Variants in SUFU observed in about 807,000 individuals in gnomAD.
The protein encoded by SUFU is SUFU negative regulator of hedgehog signaling.
In SUFU, 7 loss-of-function variants were observed where a neutral mutation model predicts 58.9. The ratio of observed to expected loss-of-function variants is 0.12; its 90% CI spans 0.07 to 0.22. The LOEUF is 0.22. SUFU is among the 10% of genes least tolerant of loss of function. The pLI is 1.00. For synonymous variants in SUFU, 232 were observed against 254.8 expected (o/e 0.91, Z 0.85); for missense variants, 451 against 641.3 (o/e 0.70, Z 3.20).
intron 2 of SUFU, among the ~76,000 whole-genome samples, chr10:102,538,700 G>T (rs923262867): frequency 1.3e-5 from 2 of 152,146 alleles, no homozygotes; most frequent in African/African-American, 2.4e-5. Context: ...ATTTGTTACA[G>T]TCAGTGAACC....
At chr10:102,568,893 A>ATATATATATATATAT (rs1564685444) in intron 3 of SUFU, among the ~76,000 whole-genome samples, 1 of 33,440 alleles carries the variant, frequency 3.0e-5, no homozygotes, top group Non-Finnish European at 5.2e-5. Flanking sequence ...AAAAAAAAAA[A>ATATATATATATATAT]AAAAATATAT....
chr10:102,616,285 C>G (rs554510814), intron 9 of SUFU, among the ~76,000 whole-genome samples: 2 of 152,348 alleles, frequency 1.3e-5, no homozygotes, highest in South Asian at 4.1e-4. Flanking sequence ...AGCCCAGGGG[C>G]TCCACCCACA....
rs533315177 is a variant in SUFU at position 102,551,319 on chromosome 10, G to T, written c.454+1213G>T. Among the ~76,000 whole-genome samples, 12 of 152,200 alleles carry T rather than the reference G, an allele frequency of 7.9e-5. No homozygotes were observed. In the South Asian group the frequency reaches 2.3e-3, roughly 29 times the overall value. ...CACTGATTTCCAAACCTTCCTGTGGGGCTCCAGTTGAGTTGGCCAGAAGTG... is the reference window on the plus strand; with the variant it reads ...CACTGATTTCCAAACCTTCCTGTGGTGCTCCAGTTGAGTTGGCCAGAAGTG... On this transcript the variant is annotated intron_variant, in intron 3 of 11. Coordinates refer to ENST00000369902, the MANE Select transcript of SUFU (RefSeq NM_016169.4).
At chr10:102,517,321 A>G (rs1434904069) in intron 2 of SUFU, among the ~76,000 whole-genome samples, 1 of 152,012 alleles carries the variant, frequency 6.6e-6, no homozygotes, top group East Asian at 1.9e-4. Flanking sequence ...AACAAACAAA[A>G]AGAACAACTG....
At chr10:102,560,544 C>T (rs1461031896) in intron 3 of SUFU, among the ~76,000 whole-genome samples, 2 of 152,032 alleles carry the variant, frequency 1.3e-5, no homozygotes, top group Non-Finnish European at 2.9e-5. Flanking sequence ...CACTGCACTC[C>T]AGCATGGGTG....
chr10:102,625,167 T>C lies in SUFU; in HGVS notation c.1297-2008T>C, dbSNP rs2063774281. 6.6e-6 allele frequency among the ~76,000 whole-genome samples: 1 copy of C among 151,852 alleles called. No homozygotes were observed. Among genetic ancestry groups the C allele is most frequent in the South Asian group, 2.1e-4 (1 of 4,830 alleles). ...GGAGGACACCCCTGGGATAAGAGAGTAGGAGGAGCAAGGGCTTAGGCTGTG... is the reference window on the plus strand; with the variant it reads ...GGAGGACACCCCTGGGATAAGAGAGCAGGAGGAGCAAGGGCTTAGGCTGTG... On this transcript the variant is annotated intron_variant, in intron 10 of 11. Transcript: ENST00000369902. This position sits in a 1 kb window ranked among gnomAD's most constrained non-coding sequence, Gnocchi z 4.7.
At chr10:102,517,244 C>T (rs922864536) in intron 2 of SUFU, among the ~76,000 whole-genome samples, 9 of 152,166 alleles carry the variant, frequency 5.9e-5, no homozygotes, top group African/African-American at 1.9e-4. Context: ...GCCGAGATCT[C>T]GCCACTGCAC....
At chr10:102,590,009 G>A (rs2063378803) in intron 3 of SUFU, among the ~76,000 whole-genome samples, 1 of 151,168 alleles carries the variant, frequency 6.6e-6, no homozygotes, top group African/African-American at 2.4e-5. Context: ...CTTTTTCTGT[G>A]TCTATTGACA....
intron 2 of SUFU, among the ~76,000 whole-genome samples, chr10:102,537,827 C>T (rs1009388092): frequency 3.9e-5 from 6 of 152,120 alleles, no homozygotes; most frequent in African/African-American, 1.4e-4. Flanking sequence ...TTGCTTCTAC[C>T]TTTTGACTAT....
intron 2 of SUFU, among the ~76,000 whole-genome samples, chr10:102,510,100 CA>C (rs1414499743): frequency 7.9e-5 from 12 of 152,188 alleles, no homozygotes; most frequent in African/African-American, 2.9e-4. Context: ...CTCAGCTTCC[CA>C]AAGTGTCGGG....
chr10:102,556,761 GAGGAAGGAAGGGAAGAAGGAAGGGAGGA>G (rs1402830303), intron 3 of SUFU, among the ~76,000 whole-genome samples: 1 of 149,878 alleles, frequency 6.7e-6, no homozygotes, highest in Non-Finnish European at 1.5e-5. Flanking sequence ...GGAAGGGAGG[GAGGAAGGAAGGGAAGAAGGAAGGGAGGA>G]AGGAAGGAAG....
chr10:102,556,173 C>T (rs573642472), intron 3 of SUFU, among the ~76,000 whole-genome samples: 49 of 151,994 alleles, frequency 3.2e-4, no homozygotes, highest in African/African-American at 9.2e-4. Flanking sequence ...GGTGTGGGGG[C>T]GGGGGCGGAG....
chr10:102,603,643 T>G (rs2063535583), intron 8 of SUFU, among the ~76,000 whole-genome samples: 1 of 152,122 alleles, frequency 6.6e-6, no homozygotes, highest in South Asian at 2.1e-4. Flanking sequence ...TTTTTTTGCC[T>G]TAATTTCATG....
rs2063850597 is a variant in SUFU, at chr10:102,633,002, A to G, written c.*2847A>G. ...CTCCAAGGCAGGGACTGGAGAAGCC[A>G]AGGGGAGAGTCTAAAAGGGCTAGAG... On this transcript the variant is annotated 3_prime_UTR_variant, in exon 12 of 12. Coordinates refer to ENST00000369902, the MANE Select transcript of SUFU (RefSeq NM_016169.4). The G allele has an allele frequency of 4.3e-6, 1 of 233,276 alleles. No homozygotes were observed. The allele number at this position is 233,276 out of a possible 1,614,324, so 14.5% of individuals were successfully genotyped here.
intron 2 of SUFU, among the ~76,000 whole-genome samples, chr10:102,543,305 G>T (rs2062823077): frequency 6.6e-6 from 1 of 152,032 alleles, no homozygotes; most frequent in African/African-American, 2.4e-5. Context: ...CTTTTATTAT[G>T]TGTGAGGTCA....
intron 2 of SUFU, among the ~76,000 whole-genome samples, chr10:102,543,204 A>C (rs1212308569): frequency 6.6e-6 from 1 of 152,178 alleles, no homozygotes; most frequent in African/African-American, 2.4e-5. Flanking sequence ...CTCTTCCCCC[A>C]CAACCTCAGC....
intron 3 of SUFU, chr10:102,572,880 G>A: frequency 1.2e-6 from 1 of 811,488 alleles, no homozygotes; most frequent in Non-Finnish European, 2.2e-6. Flanking sequence ...CAGTGTCATA[G>A]AGCTTCTTCA....
chr10:102,586,491 G>A (rs577575599), intron 3 of SUFU, among the ~76,000 whole-genome samples: 1 of 152,034 alleles, frequency 6.6e-6, no homozygotes, highest in South Asian at 2.1e-4. Context: ...GGCTAACACG[G>A]TGAAACCCTG....
chr10:102,532,418 C>T (rs2062687372), intron 2 of SUFU, among the ~76,000 whole-genome samples: 1 of 152,220 alleles, frequency 6.6e-6, no homozygotes. Flanking sequence ...TCTCTCACAT[C>T]TCCTTTGCAC....
Sources: gnomAD v4.1 joint callset for allele counts (sites outside exome capture counted in the v4.1 genomes callset) on GRCh38, gnomAD v4.1.1 for gene constraint, Gnocchi (gnomAD v3.1) non-coding constraint, MANE v1.5 for transcripts, NCBI Gene and HGNC (gene_info 2026-07-23, HGNC 2026-07-21) for gene names.